The following LDLRAP1 variants were observed in gnomAD, a reference collection of about 807,000 sequenced individuals.
The protein encoded by LDLRAP1 is low density lipoprotein receptor adaptor protein 1, also known as low density lipoprotein receptor adapter protein 1.
In LDLRAP1, 30 loss-of-function variants were observed where a neutral mutation model predicts 37.8. The ratio of observed to expected loss-of-function variants is 0.79; its 90% CI spans 0.59 to 1.08. LDLRAP1 has a LOEUF of 1.08. LDLRAP1 is among the 50% of genes least tolerant of loss of function. The pLI is 0.00. For missense variants in LDLRAP1, 375 were observed against 401.6 expected (o/e 0.93, Z 0.57); for synonymous variants, 156 against 169.8 (o/e 0.92, Z 0.63).
chr1:25,563,878 AC>A, intron 7 of LDLRAP1, 87 bp downstream of exon 7: 1 of 1,571,578 alleles, frequency 6.4e-7, no homozygotes, highest in South Asian at 1.1e-5. Context: ...AGGCCCTGGG[AC>A]CCGTGACTTG....
rs983956470 is a variant in LDLRAP1 at position 25,555,471 on chromosome 1, G to A, written c.344+499G>A. Among the ~76,000 whole-genome samples, 2 of 152,142 alleles carry A rather than the reference G, an allele frequency of 1.3e-5. No homozygotes were observed. Among genetic ancestry groups the A allele is most frequent in the Non-Finnish European group, 2.9e-5 (2 of 68,036 alleles). ...GCCTCAGACTATCCCCACCTCTCTC[G>A]GCTGGTCAGTTGTAGTTTTTCAGAA... On this transcript the variant is annotated intron_variant, in intron 3 of 8. Coordinates refer to ENST00000374338, the MANE Select transcript of LDLRAP1 (RefSeq NM_015627.3). This position sits in a 1 kb window ranked among gnomAD's most constrained non-coding sequence, Gnocchi z 4.7.
the LDLRAP1 span, among the ~76,000 whole-genome samples, chr1:25,586,213 G>A: frequency 6.6e-6 from 1 of 152,188 alleles, no homozygotes; most frequent in South Asian, 2.1e-4. This position sits in a 1 kb window ranked among gnomAD's most constrained non-coding sequence, Gnocchi z 4.3. Context: ...CTCATGATAG[G>A]AGAATGGGAA....
At chr1:25,575,442 A>AC in the LDLRAP1 span, among the ~76,000 whole-genome samples, 1 of 151,300 alleles carries the variant, frequency 6.6e-6, no homozygotes, top group South Asian at 2.1e-4. Flanking sequence ...AAAAAAAAAA[A>AC]AAACCAGCTG....
rs1407540803 is a variant in LDLRAP1, at chr1:25,566,744, T to A, written c.783-104T>A. ...TCCCCTGCACCGGGGGCTTCCTTCT[T>A]GGGCCATGTGCCCTGCTGTTCCCCA... On this transcript the variant is annotated intron_variant, in intron 8 of 8. Coordinates refer to ENST00000374338, the MANE Select transcript of LDLRAP1 (RefSeq NM_015627.3). 8 of 1,418,496 alleles carry A rather than the reference T, an allele frequency of 5.6e-6. No individual in the cohort carries two copies. In the East Asian group the frequency reaches 1.7e-4, roughly 31 times the overall value. 87.9% of individuals were successfully genotyped at this position (1,418,496 alleles called of 1,614,324 possible). A position where few individuals can be genotyped will look rare whatever the true frequency, so the allele number is the denominator to read the frequency against.
intron 4 of LDLRAP1, 53 bp from the exon 5 acceptor site, chr1:25,562,591 G>C (rs1471800784): frequency 6.7e-7 from 1 of 1,497,780 alleles, no homozygotes; most frequent in Non-Finnish European, 9.3e-7. Flanking sequence ...GTGCAGACTT[G>C]CTCTGCCCTG....
chr1:25,582,322 C>T, the LDLRAP1 span, among the ~76,000 whole-genome samples: 3 of 152,194 alleles, frequency 2.0e-5, no homozygotes, highest in Non-Finnish European at 4.4e-5. Context: ...CGTGGTGGCT[C>T]ACGCCTGTAA....
chr1:25,576,747 T>A, the LDLRAP1 span, among the ~76,000 whole-genome samples: 1 of 152,206 alleles, frequency 6.6e-6, no homozygotes, highest in Non-Finnish European at 1.5e-5. Flanking sequence ...ACTTTATCTT[T>A]CACAGAGGCT....
Position 25,544,253 on chromosome 1 carries a change from C to T in LDLRAP1, c.88+467C>T, listed in dbSNP as rs908872366. 6.6e-6 allele frequency among the ~76,000 whole-genome samples: 1 copy of T among 152,164 alleles called. No homozygotes were observed. Among genetic ancestry groups the T allele is most frequent in the African/African-American group, 2.4e-5 (1 of 41,442 alleles). On this transcript the variant is annotated intron_variant, in intron 1 of 8. Coordinates refer to ENST00000374338, the MANE Select transcript of LDLRAP1 (RefSeq NM_015627.3). The surrounding 1 kb of genome is among the most constrained non-coding windows in gnomAD (Gnocchi z 4.8). ...CTGCGGCGGTCAGGAGCCCACTGGC[C>T]CGTTCTCCCGCCCCCTGCCCGACCC...
chr1:25,560,692 G>A (rs918489389), intron 4 of LDLRAP1, among the ~76,000 whole-genome samples: 2 of 152,248 alleles, frequency 1.3e-5, no homozygotes, highest in Admixed American at 1.3e-4. Flanking sequence ...GGCTGTCTTG[G>A]TTTGAGTTTC....
chr1:25,543,873 G>A, intron 1 of LDLRAP1, 87 bp downstream of exon 1: 1 of 825,150 alleles, frequency 1.2e-6, no homozygotes, highest in Non-Finnish European at 1.6e-6. Flanking sequence ...CGGCCAAGTT[G>A]GGCAGAGGCG....
Position 25,567,333 on chromosome 1 carries a change from G to C in LDLRAP1, c.*341G>C. Reference sequence around the variant, plus strand: ...GGAGCAAGCTCTGCCCTGGCTGTGGGTATCAGGACTGTGACCAAAGCATTT... The same window carrying C: ...GGAGCAAGCTCTGCCCTGGCTGTGGCTATCAGGACTGTGACCAAAGCATTT... On this transcript the variant is annotated 3_prime_UTR_variant, in exon 9 of 9. Coordinates refer to ENST00000374338, the MANE Select transcript of LDLRAP1 (RefSeq NM_015627.3). The C allele has an allele frequency of 2.5e-6, 1 of 395,400 alleles. No individual in the cohort carries two copies. Among genetic ancestry groups the C allele is most frequent in the Non-Finnish European group, 4.8e-6 (1 of 207,238 alleles). The allele number at this position is 395,400 out of a possible 1,614,324, so 24.5% of individuals were successfully genotyped here.
chr1:25,573,083 T>A (rs2044627002), downstream of LDLRAP1, among the ~76,000 whole-genome samples: 1 of 126,696 alleles, frequency 7.9e-6, no homozygotes, highest in Non-Finnish European at 1.6e-5. Flanking sequence ...AAACAGGGGC[T>A]GCTTTGCGGG....
rs1441474111 is a variant in LDLRAP1, at chr1:25,557,399, GAACCCCA to G, written c.459+134_459+140del. On this transcript the variant is annotated intron_variant, in intron 4 of 8. Transcript: ENST00000374338. ...CTTAAGAAGAGGGTGAAATCTCTGG[GAACCCCA>G]AGTGGGTGCCGAGAGCTAAGGGGTA... 2.9e-5 allele frequency: 21 copies of G among 731,522 alleles called. No individual in the cohort carries two copies. The African/African-American group carries it at 3.5e-4, about 12-fold the overall frequency. 45.3% of individuals were successfully genotyped at this position (731,522 alleles called of 1,614,324 possible).
At chr1:25,587,343 A>G in the LDLRAP1 span, among the ~76,000 whole-genome samples, 1 of 152,068 alleles carries the variant, frequency 6.6e-6, no homozygotes, top group East Asian at 1.9e-4. Flanking sequence ...TTGTAGAGAC[A>G]GGGTCTTACC....
chr1:25,586,503 C>G, the LDLRAP1 span, among the ~76,000 whole-genome samples: 1 of 151,362 alleles, frequency 6.6e-6, no homozygotes, highest in African/African-American at 2.4e-5. The surrounding 1 kb of genome is among the most constrained non-coding windows in gnomAD (Gnocchi z 4.3). Context: ...TGTGTGTGTG[C>G]ATGCACATGT....
chr1:25,565,337 C>T, intron 8 of LDLRAP1, 130 bp downstream of exon 8: 1 of 992,128 alleles, frequency 1.0e-6, no homozygotes, highest in Non-Finnish European at 1.6e-6. Flanking sequence ...GCAACAGTCC[C>T]ATCCCTCCAC....
chr1:25,579,005 C>T, the LDLRAP1 span, among the ~76,000 whole-genome samples: 1 of 152,184 alleles, frequency 6.6e-6, no homozygotes, highest in Non-Finnish European at 1.5e-5. Context: ...ACCCATGCTA[C>T]CCCTTCAGAG....
In LDLRAP1 at chr1:25,568,591, C is replaced by T. The variant is rs1186468701; in HGVS notation, c.*1599C>T. 1 of 152,248 alleles carries T rather than the reference C, an allele frequency of 6.6e-6. No individual in the cohort carries two copies. Among genetic ancestry groups the T allele is most frequent in the Non-Finnish European group, 1.5e-5 (1 of 68,070 alleles). 9.4% of individuals were successfully genotyped at this position (152,248 alleles called of 1,614,324 possible). A position where few individuals can be genotyped will look rare whatever the true frequency, so the allele number is the denominator to read the frequency against. The stretch of plus-strand genomic sequence containing the variant: ...GGGGTGGGATTTGCAGGGTCATTAT[C>T]AGAACATGAGGATAACTTCCTTGCC... On this transcript the variant is annotated 3_prime_UTR_variant, in exon 9 of 9. Transcript: ENST00000374338.
chr1:25,570,300 G>A (rs1473032692), downstream of LDLRAP1, among the ~76,000 whole-genome samples: 1 of 152,168 alleles, frequency 6.6e-6, no homozygotes, highest in East Asian at 1.9e-4. Flanking sequence ...AATCCTGAGC[G>A]CCAGCCGTCT....
Sources: gnomAD v4.1 joint callset for allele counts (sites outside exome capture counted in the v4.1 genomes callset) on GRCh38, gnomAD v4.1.1 for gene constraint, Gnocchi (gnomAD v3.1) non-coding constraint, MANE v1.5 for transcripts, NCBI Gene and HGNC (gene_info 2026-07-23, HGNC 2026-07-21) for gene names.